FUS: variants seen among roughly 807,000 people sequenced by gnomAD.
FUS encodes the protein FUS RNA binding protein.
FUS carries 5 observed loss-of-function variants against 82.7 expected under a neutral mutation model. The observed-to-expected ratio is 0.06, with a 90% CI of 0.03 to 0.13. The LOEUF (loss-of-function observed/expected upper bound fraction) is 0.13, where lower values mean the gene tolerates loss of function less well. FUS is among the 10% of genes least tolerant of loss of function. FUS has a pLI of 1.00. For synonymous variants in FUS, 281 were observed against 247.4 expected (o/e 1.14, Z -1.27); for missense variants, 512 against 707.8 (o/e 0.72, Z 3.14).
At chr16:31,188,556 C>T in intron 8 of FUS, 199 bp downstream of exon 8, 1 of 650,516 alleles carries the variant, frequency 1.5e-6, no homozygotes, top group Non-Finnish European at 2.7e-6. Context: ...TGGGTTCCAC[C>T]CCCAGTGATT....
At chr16:31,194,371 C>G, downstream of FUS, 1 of 518,216 alleles carries the variant, frequency 1.9e-6, no homozygotes, top group Non-Finnish European at 3.8e-6. Context: ...CAACTGCAAC[C>G]TCTGCCTCCC....
In FUS at chr16:31,182,152, G is replaced by C. The variant is rs2079188577; in HGVS notation, c.14-246G>C. Reference sequence around the variant, plus strand: ...TTACAGGCGTGCGCCACCATGCCCGGCTAATTTTTTGTATTTTTATTAGAG... The same window carrying C: ...TTACAGGCGTGCGCCACCATGCCCGCCTAATTTTTTGTATTTTTATTAGAG... On this transcript the variant is annotated intron_variant, in intron 1 of 14. Transcript: ENST00000254108. 5 of 509,354 alleles carry C rather than the reference G, an allele frequency of 9.8e-6. No homozygotes were observed. The East Asian group carries it at 1.8e-4, about 18-fold the overall frequency. The allele number at this position is 509,354 out of a possible 1,614,324, so 31.6% of individuals were successfully genotyped here. A position where few individuals can be genotyped will look rare whatever the true frequency, so the allele number is the denominator to read the frequency against.
chr16:31,184,800 T>G (rs2079237976), intron 5 of FUS, 139 bp from the exon 6 acceptor site: 1 of 883,696 alleles, frequency 1.1e-6, no homozygotes, highest in Admixed American at 2.1e-5. Context: ...AAAAGAGGGT[T>G]CCTGTCTTGT....
At chr16:31,192,186 C>T, downstream of FUS, 1 of 528,124 alleles carries the variant, frequency 1.9e-6, no homozygotes, top group Non-Finnish European at 3.7e-6. Context: ...ACTTTCACAT[C>T]CTGCCTGTAC....
chr16:31,185,405 A>G (rs1055782738), intron 6 of FUS: 2 of 644,692 alleles, frequency 3.1e-6, no homozygotes, highest in Non-Finnish European at 2.8e-6. Flanking sequence ...GATTTTGAGT[A>G]ATGATACTTG....
chr16:31,189,085 A>G (rs1351054701), intron 8 of FUS, 38 bp from the exon 9 acceptor site: 1 of 1,489,082 alleles, frequency 6.7e-7, no homozygotes, highest in Admixed American at 1.7e-5. Flanking sequence ...TTTTTATTTT[A>G]CCTTTTCACA....
chr16:31,190,922 G>A, intron 13 of FUS, 41 bp from the exon 14 acceptor site: 1 of 1,612,406 alleles, frequency 6.2e-7, no homozygotes, highest in Non-Finnish European at 8.5e-7. Context: ...GGGGAACATA[G>A]GGGAATGGGA....
At chr16:31,194,768 TTA>T (rs1342094879), downstream of FUS, 4 of 482,290 alleles carry the variant, frequency 8.3e-6, no homozygotes, top group Non-Finnish European at 1.6e-5. Flanking sequence ...ATTTTGAAAT[TTA>T]TGTTATTTCA....
chr16:31,189,289 A>T, intron 9 of FUS, 63 bp downstream of exon 9: 1 of 1,173,558 alleles, frequency 8.5e-7, no homozygotes, highest in South Asian at 1.2e-5. Flanking sequence ...TTCACACATT[A>T]GTAAAAGCAA....
At position 31,191,449 on chromosome 16, in the gene FUS, T is replaced by C. The variant is rs757884128; in HGVS notation, c.*11T>C. ...GAGAGGCCGTATTAATTAGCCTGGC[T>C]CCCCAGGTTCTGGAACAGCTTTTTG... On this transcript the variant is annotated 3_prime_UTR_variant, in exon 15 of 15. Transcript: ENST00000254108. 9 of 1,612,852 alleles carry C rather than the reference T, an allele frequency of 5.6e-6. No individual in the cohort carries two copies. Among genetic ancestry groups the C allele is most frequent in the African/African-American group, 2.7e-5 (2 of 74,592 alleles).
chr16:31,181,285 C>T (rs986297536), intron 1 of FUS, among the ~76,000 whole-genome samples: 2 of 152,248 alleles, frequency 1.3e-5, no homozygotes, highest in African/African-American at 2.4e-5. Flanking sequence ...TCCTGGTCCT[C>T]TTTCCCTTTT....
chr16:31,193,473 G>T (rs1394831075), downstream of FUS: 1 of 528,342 alleles, frequency 1.9e-6, no homozygotes, highest in Non-Finnish European at 3.7e-6. Flanking sequence ...TGCCTAGCAG[G>T]ATTCTAATCT....
At chr16:31,182,026 G>A (rs2079186762) in intron 1 of FUS, among the ~76,000 whole-genome samples, 1 of 150,530 alleles carries the variant, frequency 6.6e-6, no homozygotes, top group African/African-American at 2.5e-5. Context: ...TTTTTGAGAT[G>A]GAGTCTTGCT....
intron 6 of FUS, chr16:31,185,842 G>T: frequency 3.7e-6 from 1 of 271,892 alleles, no homozygotes; most frequent in Non-Finnish European, 7.3e-6. Flanking sequence ...TTGTCCAACT[G>T]GACCTTCTTT....
chr16:31,190,645 T>C, intron 12 of FUS, 97 bp from the exon 13 acceptor site: 1 of 1,288,232 alleles, frequency 7.8e-7, no homozygotes, highest in South Asian at 1.2e-5. Flanking sequence ...AGCTTCAGTT[T>C]CCTCACTGTA....
intron 14 of FUS, 133 bp from the exon 15 acceptor site, chr16:31,191,266 G>T: frequency 6.9e-7 from 1 of 1,458,290 alleles, no homozygotes; most frequent in Non-Finnish European, 9.6e-7. Context: ...AACTCAGGGG[G>T]AGTGAATCTG....
At chr16:31,190,438 CG>C (rs762630736) in intron 12 of FUS, 40 bp downstream of exon 12, 1 of 1,613,434 alleles carries the variant, frequency 6.2e-7, no homozygotes, top group African/African-American at 1.3e-5. Flanking sequence ...CTCTTGCATG[CG>C]TGCTCTTTGA....
chr16:31,180,292 G>GT, intron 1 of FUS, 65 bp downstream of exon 1: 2 of 1,563,868 alleles, frequency 1.3e-6, no homozygotes, highest in Non-Finnish European at 1.7e-6. Context: ...TGGGCTTTTC[G>GT]TTTTCAGTGG....
intron 5 of FUS, among the ~76,000 whole-genome samples, 192 bp downstream of exon 5, chr16:31,184,588 C>G (rs541473919): frequency 6.6e-6 from 1 of 152,100 alleles, no homozygotes; most frequent in Admixed American, 6.5e-5. Flanking sequence ...GGACTACAGG[C>G]ATCCGCCACC....
Sources: allele counts gnomAD v4.1 joint callset (sites outside exome capture counted in the v4.1 genomes callset), GRCh38; gene constraint gnomAD v4.1.1; transcripts MANE v1.5; gene names NCBI Gene and HGNC (gene_info 2026-07-23, HGNC 2026-07-21).